Variants in NEK6 observed in about 807,000 individuals in gnomAD.
NEK6 encodes the protein serine/threonine-protein kinase Nek6.
A neutral mutation model predicts 43.5 loss-of-function variants in NEK6; 27 were observed. The observed-to-expected ratio is 0.62, with a 90% CI of 0.46 to 0.86. The LOEUF is 0.86. NEK6 is among the 40% of genes least tolerant of loss of function. NEK6 has a pLI of 0.00. For synonymous variants in NEK6, 167 were observed against 164.1 expected, an observed-to-expected ratio of 1.02 and a Z score of -0.14; for missense variants, 318 against 414.4, an observed-to-expected ratio of 0.77 and a Z score of 2.02.
rs183806951 is a variant in NEK6, at chr9:124,275,766, G to A, written c.-30+17681G>A. 1.6e-3 allele frequency among the ~76,000 whole-genome samples: 245 copies of A among 152,352 alleles called. No individual in the cohort carries two copies. The highest frequency in any genetic ancestry group is 5.3e-3 in the African/African-American group (220 of 41,576). On this transcript the variant is annotated intron_variant, in intron 1 of 9. Coordinates refer to ENST00000320246, the MANE Select transcript of NEK6 (RefSeq NM_014397.6). The surrounding 1 kb of genome is among the most constrained non-coding windows in gnomAD (Gnocchi z 4.4). ...CAGGGCCTGGCCTGGCAAAGGCCTC[G>A]GTGACGGTAATGAGGGGAGGGAGCA... is the stretch of plus-strand genomic sequence containing the variant.
At chr9:124,347,096 G>A (rs1829971190) in intron 8 of NEK6, among the ~76,000 whole-genome samples, 1 of 152,214 alleles carries the variant, frequency 6.6e-6, no homozygotes, top group South Asian at 2.1e-4. Context: ...ACATGCTGCT[G>A]CGCACCTCTA....
At chr9:124,321,957 C>G (rs1834086506) in intron 5 of NEK6, among the ~76,000 whole-genome samples, 1 of 152,258 alleles carries the variant, frequency 6.6e-6, no homozygotes, top group Non-Finnish European at 1.5e-5. Context: ...AGCCACTTCT[C>G]CTGCCTCACA....
intron 1 of NEK6, among the ~76,000 whole-genome samples, chr9:124,279,794 G>T (rs1299679841): frequency 1.3e-5 from 2 of 152,182 alleles, no homozygotes; most frequent in Non-Finnish European, 2.9e-5. Flanking sequence ...TTCCCTCAAG[G>T]CACGTATCGC....
chr9:124,290,748 C>T (rs7018551), intron 1 of NEK6, among the ~76,000 whole-genome samples: 151,939 of 152,350 alleles, frequency 1, 75,766 homozygotes, highest in Middle Eastern at 1. Flanking sequence ...GGGAATCCCC[C>T]TCCCCTTTAG....
intron 7 of NEK6, among the ~76,000 whole-genome samples, chr9:124,334,821 C>T (rs925013815): frequency 2.0e-5 from 3 of 152,204 alleles, no homozygotes; most frequent in Admixed American, 6.5e-5. Context: ...CCTTGCTTTC[C>T]GATGGTCCTG....
Position 124,324,972 on chromosome 9 carries a change from C to T in NEK6, c.406-1358C>T, listed in dbSNP as rs538541124. Among the ~76,000 whole-genome samples, 5 of 152,158 alleles carry T rather than the reference C, an allele frequency of 3.3e-5. No individual in the cohort carries two copies. Among genetic ancestry groups the T allele is most frequent in the South Asian group, 2.1e-4 (1 of 4,816 alleles). On this transcript the variant is annotated intron_variant, in intron 5 of 9. Coordinates refer to ENST00000320246, the MANE Select transcript of NEK6 (RefSeq NM_014397.6). The surrounding 1 kb of genome is among the most constrained non-coding windows in gnomAD (Gnocchi z 5.3). ...GGCAGATCACCTGAGGTGAGGAGTT[C>T]GAGACCAGCCTGGCTAACGTGGTGA...
At chr9:124,349,268 TA>T (rs561557749) in intron 9 of NEK6, among the ~76,000 whole-genome samples, 3 of 152,272 alleles carry the variant, frequency 2.0e-5, no homozygotes, top group Non-Finnish European at 4.4e-5. Context: ...ACAAAGTTAA[TA>T]GTTGCCATTT....
At chr9:124,270,364 T>C (rs775611282) in intron 1 of NEK6, among the ~76,000 whole-genome samples, 14 of 152,062 alleles carry the variant, frequency 9.2e-5, no homozygotes, top group Non-Finnish European at 1.9e-4. Flanking sequence ...TTAGACCTAG[T>C]GGTGTCTTCC....
At chr9:124,347,143 C>A (rs1273928024) in intron 8 of NEK6, among the ~76,000 whole-genome samples, 1 of 152,224 alleles carries the variant, frequency 6.6e-6, no homozygotes, top group Non-Finnish European at 1.5e-5. Context: ...CCTCCTGAAC[C>A]CCCTGCTCCC....
chr9:124,341,954 C>T (rs1280167907), intron 8 of NEK6, among the ~76,000 whole-genome samples: 1 of 152,108 alleles, frequency 6.6e-6, no homozygotes, highest in Non-Finnish European at 1.5e-5. Flanking sequence ...TGGGGAAAGC[C>T]CCGGGTGTGG....
intron 9 of NEK6, among the ~76,000 whole-genome samples, chr9:124,350,328 G>A (rs1226827026): frequency 1.3e-5 from 2 of 151,806 alleles, no homozygotes; most frequent in Admixed American, 6.6e-5. Context: ...ACCTCGGGGC[G>A]GGAGCAGCCT....
intron 1 of NEK6, chr9:124,259,115 G>C (rs1223959346): frequency 6.6e-6 from 1 of 152,308 alleles, no homozygotes; most frequent in African/African-American, 2.4e-5. Flanking sequence ...TGGGACACCA[G>C]CTTCCGAGGT....
intron 1 of NEK6, among the ~76,000 whole-genome samples, chr9:124,293,976 C>T (rs963858929): frequency 1.3e-5 from 2 of 152,230 alleles, no homozygotes; most frequent in Non-Finnish European, 2.9e-5. Flanking sequence ...ACAGAGTCCT[C>T]GCAGCCTCCC....
At chr9:124,260,006 G>T (rs762068814) in intron 1 of NEK6, among the ~76,000 whole-genome samples, 1 of 148,512 alleles carries the variant, frequency 6.7e-6, no homozygotes, top group Non-Finnish European at 1.5e-5. Context: ...GGGGCTGTGT[G>T]CTGGGAGCCG....
rs185724403 is a variant in NEK6, at chr9:124,328,680, C to T, written c.622+1235C>T. On this transcript the variant is annotated intron_variant, in intron 7 of 9. Transcript: ENST00000320246. ...GGGCGGAGGCACTTTCTGGAAGTCA[C>T]AGTGTCTTGTGGAAAGTGTCACTGT... Among the ~76,000 whole-genome samples, 352 of 152,368 alleles carry T rather than the reference C, an allele frequency of 2.3e-3. 1 individual carries two copies. Among genetic ancestry groups the T allele is most frequent in the African/African-American group, 8.4e-3 (350 of 41,580 alleles).
At chr9:124,273,495 G>A (rs534237759) in intron 1 of NEK6, among the ~76,000 whole-genome samples, 1 of 152,358 alleles carries the variant, frequency 6.6e-6, no homozygotes, top group African/African-American at 2.4e-5. Context: ...ACGTGTGTCT[G>A]TGACAGCAGA....
intron 4 of NEK6, among the ~76,000 whole-genome samples, chr9:124,314,773 T>G (rs969709259): frequency 6.6e-6 from 1 of 152,136 alleles, no homozygotes; most frequent in Non-Finnish European, 1.5e-5. Flanking sequence ...GTTCAAGCAG[T>G]TCTCCTGTCT....
At chr9:124,290,605 G>T (rs1049816891) in intron 1 of NEK6, among the ~76,000 whole-genome samples, 1 of 152,252 alleles carries the variant, frequency 6.6e-6, no homozygotes, top group Admixed American at 6.5e-5. Context: ...AAGGAAGCAG[G>T]TGCTGGCCAC....
At chr9:124,291,794 G>A in intron 1 of NEK6, 1 of 984,834 alleles carries the variant, frequency 1.0e-6, no homozygotes, top group Non-Finnish European at 1.2e-6. Flanking sequence ...TCAGATTCCA[G>A]TCCCTGGTAA....
Sources: allele counts gnomAD v4.1 joint callset (sites outside exome capture counted in the v4.1 genomes callset), GRCh38; gene constraint gnomAD v4.1.1; non-coding constraint Gnocchi (gnomAD v3.1); transcripts MANE v1.5; gene names NCBI Gene and HGNC (gene_info 2026-07-23, HGNC 2026-07-21).